Variants in SLC9C1 observed in about 807,000 individuals in gnomAD.
SLC9C1 encodes the protein solute carrier family 9 member C1.
A neutral mutation model predicts 140.9 loss-of-function variants in SLC9C1; 97 were observed. That is an observed-to-expected ratio of 0.69 (90% CI 0.58 to 0.82). SLC9C1 has a LOEUF of 0.82. Ranked by LOEUF, SLC9C1 falls within the 40% of genes least tolerant of loss-of-function variation. The pLI is 0.00. For synonymous variants in SLC9C1, 440 were observed against 442.6 expected (o/e 0.99, Z 0.07); for missense variants, 1,340 against 1,389.3 (o/e 0.96, Z 0.56).
Position 112,180,614 on chromosome 3 carries a change from C to A in SLC9C1, c.2698G>T (p.Glu900Ter). The change falls in exon 22 of 29, where the codon GAA becomes TAA. Residue 900 changes from glutamate to a stop codon, truncating the protein, a stop_gained. Coordinates refer to ENST00000305815, the MANE Select transcript of SLC9C1 (RefSeq NM_183061.3). LOFTEE classifies it high-confidence loss of function. ...TAGATTCCTTTGGGCTCATCACCTTCTTCAAATATATCATTTCCACAATCA... is the reference window on the plus strand; with the variant it reads ...TAGATTCCTTTGGGCTCATCACCTTATTCAAATATATCATTTCCACAATCA... ...TFDCGNDIFE[E>*]GDEPKGIYII... The A allele has an allele frequency of 6.2e-7, 1 of 1,613,624 alleles. No individual in the cohort carries two copies. Among genetic ancestry groups the A allele is most frequent in the Non-Finnish European group, 8.5e-7 (1 of 1,179,820 alleles).
At chr3:112,264,045 C>CA (rs11359509) in intron 9 of SLC9C1, among the ~76,000 whole-genome samples, 155 bp downstream of exon 9, 94 of 149,152 alleles carry the variant, frequency 6.3e-4, no homozygotes, top group African/African-American at 2.0e-3. Context: ...AGTTAAAAGC[C>CA]AAAAAAAAAT....
chr3:112,207,127 A>G (rs568093123), intron 16 of SLC9C1, among the ~76,000 whole-genome samples: 1 of 152,320 alleles, frequency 6.6e-6, no homozygotes, highest in Non-Finnish European at 1.5e-5. Context: ...AATTCCTACT[A>G]TTTTGTGATA....
intron 19 of SLC9C1, 146 bp from the exon 20 acceptor site, chr3:112,199,615 G>C: frequency 1.8e-6 from 1 of 548,868 alleles, no homozygotes; most frequent in Admixed American, 4.1e-5. Flanking sequence ...GGGCCACTAT[G>C]ATCAATCATA....
chr3:112,278,805 C>T lies in SLC9C1; in HGVS notation c.242G>A (p.Arg81His), dbSNP rs202015970. The change falls in exon 4 of 29, where the codon CGT (arginine) becomes CAT (histidine). Residue 81 changes from arginine to histidine, a missense_variant. By Grantham distance (29) the Arg-to-His change is conservative. Coordinates refer to ENST00000305815, the MANE Select transcript of SLC9C1 (RefSeq NM_183061.3). ...IQWMSPDLFF[R>H]IFTPVVFFTT... Reference sequence around the variant, plus strand: ...AAAGAAAACTACTGGTGTAAATATACGAAAAAATAAGTCTGGACTCATCCA... The same window carrying T: ...AAAGAAAACTACTGGTGTAAATATATGAAAAAATAAGTCTGGACTCATCCA... 60 of 1,610,616 alleles carry T rather than the reference C, an allele frequency of 3.7e-5. No individual in the cohort carries two copies. Among genetic ancestry groups the T allele is most frequent in the Middle Eastern group, 3.3e-4 (2 of 6,030 alleles).
In SLC9C1 at chr3:112,170,107, A is replaced by G. The variant is rs535531319; in HGVS notation, c.2920-779T>C. Reference sequence around the variant, plus strand: ...GCAAAGAATTCATGACTAAAACCTCAAAAGCACAGGCAACAAGAACAAAAA... The same window carrying G: ...GCAAAGAATTCATGACTAAAACCTCGAAAGCACAGGCAACAAGAACAAAAA... On this transcript the variant is annotated intron_variant, in intron 23 of 28. Transcript: ENST00000305815. 3.3e-5 allele frequency among the ~76,000 whole-genome samples: 5 copies of G among 152,338 alleles called. No homozygotes were observed. In the South Asian group the frequency reaches 1.0e-3, roughly 32 times the overall value.
intron 10 of SLC9C1, among the ~76,000 whole-genome samples, chr3:112,258,782 G>A (rs975116148): frequency 2.6e-5 from 4 of 152,032 alleles, no homozygotes; most frequent in African/African-American, 7.2e-5. Flanking sequence ...TTATAAAGAA[G>A]AAAGGTTTAA....
At chr3:112,160,791 G>A (rs1342265170) in intron 26 of SLC9C1, among the ~76,000 whole-genome samples, 3 of 151,300 alleles carry the variant, frequency 2.0e-5, no homozygotes, top group African/African-American at 7.3e-5. Context: ...ACCCAGTAAT[G>A]GGATGGCTGG....
intron 20 of SLC9C1, among the ~76,000 whole-genome samples, chr3:112,188,763 G>T (rs2077589320): frequency 2.0e-5 from 3 of 152,172 alleles, no homozygotes. Context: ...TAATGGGATG[G>T]CTGGGTCAAA....
At chr3:112,166,911 G>C (rs2077150485) in intron 26 of SLC9C1, among the ~76,000 whole-genome samples, 1 of 152,082 alleles carries the variant, frequency 6.6e-6, no homozygotes, top group Non-Finnish European at 1.5e-5. Context: ...ACAGTACAAT[G>C]CTCTTTTTAT....
chr3:112,272,754 A>C (rs2080110662), intron 6 of SLC9C1, among the ~76,000 whole-genome samples: 1 of 152,136 alleles, frequency 6.6e-6, no homozygotes, highest in Non-Finnish European at 1.5e-5. Context: ...GTTCCATTCT[A>C]TTCATTATTA....
At chr3:112,231,813 G>A (rs1174479434) in intron 12 of SLC9C1, among the ~76,000 whole-genome samples, 1 of 152,140 alleles carries the variant, frequency 6.6e-6, no homozygotes, top group Admixed American at 6.6e-5. Context: ...AGCAGCATCA[G>A]AATCACCTGG....
chr3:112,280,958 C>T (rs1037016810), intron 2 of SLC9C1, among the ~76,000 whole-genome samples, 175 bp from the exon 3 acceptor site: 4 of 152,094 alleles, frequency 2.6e-5, no homozygotes, highest in Non-Finnish European at 5.9e-5. Flanking sequence ...GTTAATCTAC[C>T]GGGTTACTGT....
At chr3:112,217,225 A>T (rs953229263) in intron 15 of SLC9C1, among the ~76,000 whole-genome samples, 1 of 152,114 alleles carries the variant, frequency 6.6e-6, no homozygotes, top group Non-Finnish European at 1.5e-5. Flanking sequence ...GGAGGGGGGA[A>T]GGATAGCATT....
At chr3:112,170,683 T>C (rs934385619) in intron 23 of SLC9C1, among the ~76,000 whole-genome samples, 2 of 152,244 alleles carry the variant, frequency 1.3e-5, no homozygotes, top group African/African-American at 4.8e-5. Flanking sequence ...ATGCTTATGC[T>C]AAAAGTGAAC....
intron 4 of SLC9C1, 70 bp from the exon 5 acceptor site, chr3:112,277,930 G>T: frequency 1.5e-6 from 2 of 1,307,658 alleles, no homozygotes; most frequent in Non-Finnish European, 2.1e-6. Flanking sequence ...AAAATAATCA[G>T]GATTATTGGA....
intron 26 of SLC9C1, among the ~76,000 whole-genome samples, chr3:112,162,158 A>G (rs946093208): frequency 1.1e-4 from 17 of 152,198 alleles, no homozygotes; most frequent in Non-Finnish European, 2.5e-4. Flanking sequence ...TATGAGCTTA[A>G]GGAGATTTTG....
At chr3:112,244,618 T>C (rs1370233365) in intron 10 of SLC9C1, among the ~76,000 whole-genome samples, 1 of 152,228 alleles carries the variant, frequency 6.6e-6, no homozygotes, top group Non-Finnish European at 1.5e-5. Flanking sequence ...ATGTCTTTGG[T>C]GCCACTTGAT....
intron 28 of SLC9C1, chr3:112,151,573 T>C (rs1038348819): frequency 1.9e-6 from 1 of 525,562 alleles, no homozygotes; most frequent in Non-Finnish European, 3.7e-6. Flanking sequence ...AAAAATAACC[T>C]GCTAAATTGA....
chr3:112,167,976 G>A (rs2077171514), intron 25 of SLC9C1, among the ~76,000 whole-genome samples: 1 of 152,124 alleles, frequency 6.6e-6, no homozygotes, highest in Non-Finnish European at 1.5e-5. Context: ...TGCTGGTGAT[G>A]TCCACTTAGA....
Sources: allele counts gnomAD v4.1 joint callset (sites outside exome capture counted in the v4.1 genomes callset), GRCh38; gene constraint gnomAD v4.1.1; transcripts MANE v1.5; gene names NCBI Gene and HGNC (gene_info 2026-07-23, HGNC 2026-07-21).